CNTNAP4: variants seen among roughly 807,000 people sequenced by gnomAD.
CNTNAP4 encodes contactin-associated protein-like 4.
In CNTNAP4, 98 loss-of-function variants were observed where a neutral mutation model predicts 148.4. That is an observed-to-expected ratio of 0.66 (90% CI 0.56 to 0.78). CNTNAP4 has a LOEUF of 0.78. Among genes scored for constraint, CNTNAP4 ranks in the 30% least tolerant of loss-of-function variants. CNTNAP4 has a pLI of 0.00. For missense variants in CNTNAP4, 1,935 were observed against 1,565.6 expected, an observed-to-expected ratio of 1.24 and a Z score of -3.98; for synonymous variants, 730 against 565.1, an observed-to-expected ratio of 1.29 and a Z score of -4.14.
At chr16:76,405,309 A>G (rs934680014) in intron 3 of CNTNAP4, among the ~76,000 whole-genome samples, 1 of 152,338 alleles carries the variant, frequency 6.6e-6, no homozygotes, top group Middle Eastern at 3.4e-3. Context: ...TCTGATCACT[A>G]TAATTGCTAA....
At chr16:76,292,295 A>G (rs1185043127) in intron 1 of CNTNAP4, among the ~76,000 whole-genome samples, 1 of 152,170 alleles carries the variant, frequency 6.6e-6, no homozygotes. Context: ...TATGGCACTT[A>G]AAGATAATTC....
intron 8 of CNTNAP4, among the ~76,000 whole-genome samples, chr16:76,457,526 A>G (rs939226204): frequency 3.9e-5 from 6 of 152,184 alleles, no homozygotes; most frequent in East Asian, 1.9e-4. Flanking sequence ...TTCCTGATCT[A>G]TTTTTTGCTT....
rs1433714300 is a variant in CNTNAP4 at position 76,560,388 on chromosome 16, G to T, written c.*1705G>T. ...CTTAAGAACCTGAATTAACATAGTA[G>T]TTTACGAAGGACTAAGGACCTATGT... On this transcript the variant is annotated 3_prime_UTR_variant, in exon 24 of 24. Coordinates refer to ENST00000611870, the MANE Select transcript of CNTNAP4 (RefSeq NM_033401.5). Among the ~76,000 whole-genome samples the T allele has an allele frequency of 6.6e-6, 1 of 152,126 alleles. No individual in the cohort carries two copies. Among genetic ancestry groups the T allele is most frequent in the East Asian group, 1.9e-4 (1 of 5,188 alleles).
chr16:76,548,985 G>T (rs1052152368), intron 21 of CNTNAP4, among the ~76,000 whole-genome samples: 1 of 152,114 alleles, frequency 6.6e-6, no homozygotes, highest in Non-Finnish European at 1.5e-5. Flanking sequence ...CGGCGGCTGA[G>T]TTGCTTGTAG....
At chr16:76,447,907 T>C (rs1241387426) in intron 4 of CNTNAP4, 105 bp from the exon 5 acceptor site, 3 of 732,484 alleles carry the variant, frequency 4.1e-6, no homozygotes, top group Non-Finnish European at 7.0e-6. Flanking sequence ...TATATGCATG[T>C]GTATGAGTAC....
At chr16:76,485,401 G>A (rs1213320188) in intron 12 of CNTNAP4, among the ~76,000 whole-genome samples, 17 of 152,198 alleles carry the variant, frequency 1.1e-4, no homozygotes, top group Admixed American at 1.1e-3. Flanking sequence ...GCAGGCATGA[G>A]CCACTGTGCC....
At chr16:76,550,589 A>C (rs907635437) in intron 21 of CNTNAP4, among the ~76,000 whole-genome samples, 1 of 152,124 alleles carries the variant, frequency 6.6e-6, no homozygotes, top group Non-Finnish European at 1.5e-5. Flanking sequence ...TTGTAGAAGA[A>C]ATGTGAAAAG....
chr16:76,479,435 A>G lies in CNTNAP4; in HGVS notation c.1779A>G (p.Ser593=), dbSNP rs758899305. The G allele has an allele frequency of 1.2e-6, 2 of 1,603,932 alleles. No individual in the cohort carries two copies. Among genetic ancestry groups the G allele is most frequent in the South Asian group, 2.3e-5 (2 of 88,246 alleles). The change falls in exon 12 of 24, where the codon TCA becomes TCG. Residue 593 remains serine, a synonymous_variant. Coordinates refer to ENST00000611870, the MANE Select transcript of CNTNAP4 (RefSeq NM_033401.5). ...TTCTTAAAGCTATCTATGAGCAGTCATGTGAAGCCTATAAGCACAGAGGAA... is the reference window on the plus strand; with the variant it reads ...TTCTTAAAGCTATCTATGAGCAGTCGTGTGAAGCCTATAAGCACAGAGGAA... ...ATCHNSIYEQ[S]CEAYKHRGNT... is the part of the protein sequence containing the mutation.
At chr16:76,410,211 T>C (rs547526311) in intron 3 of CNTNAP4, among the ~76,000 whole-genome samples, 72 of 151,870 alleles carry the variant, frequency 4.7e-4, no homozygotes, top group South Asian at 2.1e-3. Flanking sequence ...ATATTTCACT[T>C]GTTGCTGGAA....
chr16:76,477,438 T>C (rs768184165), intron 11 of CNTNAP4, among the ~76,000 whole-genome samples: 5 of 152,158 alleles, frequency 3.3e-5, no homozygotes, highest in Non-Finnish European at 7.3e-5. Context: ...TCACCACCCT[T>C]GGTCTATTAC....
chr16:76,411,937 A>G (rs1272165615), intron 3 of CNTNAP4, among the ~76,000 whole-genome samples: 1 of 151,476 alleles, frequency 6.6e-6, no homozygotes, highest in African/African-American at 2.4e-5. Context: ...TGTAACTTTC[A>G]TGCCCTTACT....
intron 21 of CNTNAP4, among the ~76,000 whole-genome samples, chr16:76,544,201 A>G (rs1262459415): frequency 6.6e-6 from 1 of 152,028 alleles, no homozygotes; most frequent in African/African-American, 2.4e-5. Flanking sequence ...AGTAGCATAT[A>G]AACATTGCCT....
chr16:76,423,045 C>T (rs9928860), intron 3 of CNTNAP4, among the ~76,000 whole-genome samples: 57,827 of 151,948 alleles, frequency 0.38, 11,189 homozygotes, highest in Middle Eastern at 0.48. Flanking sequence ...CACCGTTCCA[C>T]GATGTGAGAC....
At chr16:76,551,481 A>T (rs992143289) in intron 21 of CNTNAP4, among the ~76,000 whole-genome samples, 2 of 151,710 alleles carry the variant, frequency 1.3e-5, no homozygotes, top group African/African-American at 4.8e-5. Flanking sequence ...ATGATTTAAA[A>T]AATAAATAAA....
chr16:76,292,613 G>GGAGATTTACTATTA (rs1959159596), intron 1 of CNTNAP4, among the ~76,000 whole-genome samples: 2 of 152,158 alleles, frequency 1.3e-5, no homozygotes, highest in South Asian at 4.1e-4. Context: ...CTATTTATGG[G>GGAGATTTACTATTA]TAGGACCTCC....
intron 4 of CNTNAP4, 52 bp downstream of exon 4, chr16:76,427,651 T>C: frequency 1.4e-6 from 2 of 1,474,080 alleles, no homozygotes; most frequent in Non-Finnish European, 1.8e-6. Context: ...AGAGATGTTT[T>C]AAAAGCCAAA....
Position 76,403,344 on chromosome 16 carries a change from C to T in CNTNAP4, c.391-24108C>T, listed in dbSNP as rs150853204. ...TCCTGACCTCGTGATCCACCCACCT[C>T]GGCCTCCCAAAGGGCTGGGATTACA... On this transcript the variant is annotated intron_variant, in intron 3 of 23. Transcript: ENST00000611870. Among the ~76,000 whole-genome samples the T allele has an allele frequency of 7.8e-4, 119 of 152,202 alleles. 1 individual carries two copies. The South Asian group carries it at 0.011, about 14-fold the overall frequency.
chr16:76,526,630 C>T (rs1388595003), intron 17 of CNTNAP4, among the ~76,000 whole-genome samples: 1 of 152,082 alleles, frequency 6.6e-6, no homozygotes, highest in Admixed American at 6.6e-5. Context: ...TGAAATGCTT[C>T]TTTGTAGTTC....
intron 17 of CNTNAP4, among the ~76,000 whole-genome samples, chr16:76,533,786 C>G (rs543965153): frequency 1.3e-5 from 2 of 152,136 alleles, no homozygotes; most frequent in Admixed American, 6.5e-5. Flanking sequence ...ACCATGCCCA[C>G]TTGTGACAAT....
Sources: gnomAD v4.1 joint callset for allele counts (sites outside exome capture counted in the v4.1 genomes callset) on GRCh38, gnomAD v4.1.1 for gene constraint, MANE v1.5 for transcripts, NCBI Gene and HGNC (gene_info 2026-07-23, HGNC 2026-07-21) for gene names.